SYT14: variants seen among roughly 807,000 people sequenced by gnomAD.
The protein encoded by SYT14 is synaptotagmin-14.
Under a neutral mutation model 74.2 loss-of-function variants are expected in SYT14, and 32 were observed. The ratio of observed to expected loss-of-function variants is 0.43; its 90% CI spans 0.33 to 0.58. SYT14 has a LOEUF of 0.58. Ranked by LOEUF, SYT14 falls within the 20% of genes least tolerant of loss-of-function variation. The pLI is 0.05. For missense variants in SYT14, 791 were observed against 981.8 expected (o/e 0.81, Z 2.60); for synonymous variants, 298 against 337.7 (o/e 0.88, Z 1.29).
intron 5 of SYT14, among the ~76,000 whole-genome samples, chr1:210,073,896 A>G (rs1572252791): frequency 1.3e-5 from 2 of 149,120 alleles, no homozygotes; most frequent in East Asian, 2.0e-4. Flanking sequence ...ATTTGCATAT[A>G]CTATCACAAA....
intron 7 of SYT14, among the ~76,000 whole-genome samples, chr1:210,137,357 C>T (rs1043205641): frequency 6.6e-6 from 1 of 152,088 alleles, no homozygotes; most frequent in African/African-American, 2.4e-5. Flanking sequence ...ATGTGGGGAC[C>T]TCACTACTCT....
intron 5 of SYT14, among the ~76,000 whole-genome samples, chr1:210,023,762 A>G (rs1237224409): frequency 6.6e-6 from 1 of 152,220 alleles, no homozygotes; most frequent in Non-Finnish European, 1.5e-5. Flanking sequence ...TTGAGTGAGA[A>G]TTATTTCAAC....
At chr1:210,076,760 G>A (rs1171279595) in intron 5 of SYT14, among the ~76,000 whole-genome samples, 2 of 152,082 alleles carry the variant, frequency 1.3e-5, no homozygotes, top group Non-Finnish European at 2.9e-5. Flanking sequence ...TGCTACACAC[G>A]TTTAAACAGC....
intron 2 of SYT14, among the ~76,000 whole-genome samples, chr1:210,011,092 T>C (rs1456853083): frequency 6.6e-6 from 1 of 152,166 alleles, no homozygotes; most frequent in Non-Finnish European, 1.5e-5. Flanking sequence ...TCTAATCCTT[T>C]GTAGCCACTG....
At chr1:210,044,674 A>G (rs2080853329) in intron 5 of SYT14, among the ~76,000 whole-genome samples, 1 of 152,174 alleles carries the variant, frequency 6.6e-6, no homozygotes, top group Non-Finnish European at 1.5e-5. Context: ...GAATTTCCAG[A>G]TAATGATTTG....
At chr1:210,171,063 C>T (rs1228930448) in exon 10 of SYT14, 1 of 152,106 alleles carries the variant, frequency 6.6e-6, no homozygotes, top group East Asian at 1.9e-4. Flanking sequence ...TATTGCTATC[C>T]TGTTTAACAA....
At chr1:209,989,016 T>C (rs989245516) in intron 2 of SYT14, among the ~76,000 whole-genome samples, 1 of 152,182 alleles carries the variant, frequency 6.6e-6, no homozygotes, top group Non-Finnish European at 1.5e-5. Flanking sequence ...ACTGTCCCCT[T>C]TCTCCAGGTA....
chr1:209,996,922 A>G (rs2079808436), intron 2 of SYT14, among the ~76,000 whole-genome samples: 1 of 152,124 alleles, frequency 6.6e-6, no homozygotes, highest in African/African-American at 2.4e-5. Flanking sequence ...GTATCCCTTC[A>G]TGACAAAAAC....
intron 1 of SYT14, among the ~76,000 whole-genome samples, chr1:209,939,606 T>G (rs1219121491): frequency 6.6e-6 from 1 of 152,248 alleles, no homozygotes; most frequent in African/African-American, 2.4e-5. Flanking sequence ...TTTCAACATT[T>G]GTTTCCCTCA....
chr1:209,954,941 A>G (rs2078969532), intron 2 of SYT14, among the ~76,000 whole-genome samples: 1 of 152,080 alleles, frequency 6.6e-6, no homozygotes, highest in African/African-American at 2.4e-5. Flanking sequence ...CGTGGCCTCA[A>G]GTGATATGTC....
At chr1:210,114,941 G>A (rs2082329945) in intron 7 of SYT14, among the ~76,000 whole-genome samples, 1 of 151,124 alleles carries the variant, frequency 6.6e-6, no homozygotes, top group Non-Finnish European at 1.5e-5. Flanking sequence ...ACTTAGCAAT[G>A]CTTAGGGTTG....
rs563214616 is a variant in SYT14, at chr1:210,118,230, T to G, written c.2034+17769T>G. Among the ~76,000 whole-genome samples the G allele has an allele frequency of 2.6e-5, 4 of 151,060 alleles. No homozygotes were observed. The East Asian group carries it at 7.9e-4, about 30-fold the overall frequency. ...TAGTTAAGTATGCTCTAAAATTTAT[T>G]AAATTGAGAAAGAGGGGATAAAATA... On this transcript the variant is annotated intron_variant, in intron 7 of 9. Coordinates refer to ENST00000637265, the Ensembl canonical transcript of SYT14.
chr1:210,100,968 G>A (rs1367523828), intron 7 of SYT14, among the ~76,000 whole-genome samples: 2 of 152,008 alleles, frequency 1.3e-5, no homozygotes, highest in Admixed American at 1.3e-4. Context: ...AATAAATCTG[G>A]CCTCATTAGA....
intron 1 of SYT14, among the ~76,000 whole-genome samples, chr1:209,940,901 A>G (rs967253661): frequency 2.0e-5 from 3 of 152,178 alleles, no homozygotes; most frequent in Admixed American, 6.5e-5. Context: ...TCCTTCACTT[A>G]TGTGTAATCC....
At chr1:210,083,827 C>G (rs2081665136) in intron 5 of SYT14, among the ~76,000 whole-genome samples, 1 of 151,954 alleles carries the variant, frequency 6.6e-6, no homozygotes, top group African/African-American at 2.4e-5. Context: ...ACCTTGGCCT[C>G]CCAAAGTTCT....
chr1:210,075,299 G>A (rs996570398), intron 5 of SYT14, among the ~76,000 whole-genome samples: 7 of 150,846 alleles, frequency 4.6e-5, no homozygotes, highest in East Asian at 2.0e-4. Flanking sequence ...TCTTCTTGAC[G>A]TCTAGCCACT....
intron 2 of SYT14, among the ~76,000 whole-genome samples, chr1:209,998,290 G>C (rs1463852540): frequency 1.3e-5 from 2 of 152,020 alleles, no homozygotes; most frequent in Non-Finnish European, 2.9e-5. Context: ...ACTGATAAAA[G>C]AAATTGAAGA....
intron 2 of SYT14, among the ~76,000 whole-genome samples, chr1:210,010,634 A>G (rs1300485517): frequency 6.6e-6 from 1 of 152,158 alleles, no homozygotes; most frequent in Non-Finnish European, 1.5e-5. Flanking sequence ...ACTGTATGTT[A>G]TACTTACTTG....
At chr1:209,994,492 G>A (rs2079751866) in intron 2 of SYT14, among the ~76,000 whole-genome samples, 1 of 152,162 alleles carries the variant, frequency 6.6e-6, no homozygotes, top group Non-Finnish European at 1.5e-5. Context: ...ATGGGATTAT[G>A]TAAAGTGATT....
Sources: allele counts gnomAD v4.1 joint callset (sites outside exome capture counted in the v4.1 genomes callset), GRCh38; gene constraint gnomAD v4.1.1; transcripts MANE v1.5; gene names NCBI Gene and HGNC (gene_info 2026-07-23, HGNC 2026-07-21).